Variants in PXMP4 observed in about 807,000 individuals in gnomAD.
PXMP4 encodes the protein peroxisomal membrane protein 4, also known as 24 kDa peroxisomal intrinsic membrane protein.
A neutral mutation model predicts 21.6 loss-of-function variants in PXMP4; 16 were observed. The observed-to-expected ratio is 0.74, with a 90% CI of 0.50 to 1.13. PXMP4 has a LOEUF of 1.13. PXMP4 is among the 50% of genes most tolerant of loss of function. PXMP4 has a pLI of 0.00. For synonymous variants in PXMP4, 127 were observed against 123.8 expected, an observed-to-expected ratio of 1.03 and a Z score of -0.17; for missense variants, 240 against 277.7, an observed-to-expected ratio of 0.86 and a Z score of 0.96.
chr20:33,715,866 C>T (rs1197316470), intron 1 of PXMP4, among the ~76,000 whole-genome samples: 1 of 127,198 alleles, frequency 7.9e-6, no homozygotes, highest in Non-Finnish European at 1.6e-5. Context: ...TTTTTTGAGA[C>T]GAAGTTTTGT....
chr20:33,719,435 C>G (rs1047864754), intron 1 of PXMP4, among the ~76,000 whole-genome samples: 2 of 152,170 alleles, frequency 1.3e-5, no homozygotes, highest in African/African-American at 4.8e-5. Flanking sequence ...GCTTTGTCCC[C>G]GGTTCTGGCA....
intron 2 of PXMP4, among the ~76,000 whole-genome samples, chr20:33,714,363 A>G (rs534312976): frequency 6.6e-6 from 1 of 152,266 alleles, no homozygotes; most frequent in Admixed American, 6.5e-5. Context: ...TACTAAAAAT[A>G]CAAAAATTAG....
intron 3 of PXMP4, 24 bp downstream of exon 3, chr20:33,710,531 C>A (rs375109932): frequency 6.7e-7 from 1 of 1,495,168 alleles, no homozygotes. Context: ...CCCTTCACTA[C>A]CCCCATCTCG....
chr20:33,710,872 C>T lies in PXMP4; in HGVS notation c.177-119G>A, dbSNP rs1054989646. 5.1e-6 allele frequency: 5 copies of T among 977,394 alleles called. No individual in the cohort carries two copies. The South Asian group carries it at 7.0e-5, about 14-fold the overall frequency. The allele number at this position is 977,394 out of a possible 1,614,324, so 60.5% of individuals were successfully genotyped here. On this transcript the variant is annotated intron_variant, in intron 2 of 3. Coordinates refer to ENST00000409299, the MANE Select transcript of PXMP4 (RefSeq NM_007238.5). ...CTCGGAGTAATGCTCATTCAGTCAC[C>T]GGCCTCTACCCTTCATGTTCTCTCC...
At chr20:33,715,236 G>A (rs2018371128) in intron 1 of PXMP4, among the ~76,000 whole-genome samples, 1 of 152,172 alleles carries the variant, frequency 6.6e-6, no homozygotes, top group Non-Finnish European at 1.5e-5. Flanking sequence ...GGCCTCCCGG[G>A]TTCAAGCAAT....
chr20:33,709,856 C>A (rs1386706019), intron 3 of PXMP4, among the ~76,000 whole-genome samples: 2 of 135,588 alleles, frequency 1.5e-5, no homozygotes, highest in South Asian at 2.5e-4. Flanking sequence ...CCCACCCCCA[C>A]CTCTACACGG....
rs773378277 is a variant in PXMP4, at chr20:33,707,880, C to T, written c.465G>A (p.Pro155=). The T allele has an allele frequency of 6.2e-6, 10 of 1,614,144 alleles. No homozygotes were observed. The highest frequency in any genetic ancestry group is 4.0e-5 in the African/African-American group (3 of 75,042). The change falls in exon 4 of 4, where the codon CCG becomes CCA. Residue 155 remains proline, a synonymous_variant. Coordinates refer to ENST00000409299, the MANE Select transcript of PXMP4 (RefSeq NM_007238.5). ...KGYIPEPRWD[P]FPLLTAVVWG... is the part of the protein sequence containing the mutation. ...ACACCACCGCAGTGAGCAGCGGGAA[C>T]GGGTCCCACCTGGGTTCAGGGATGT... is the stretch of plus-strand genomic sequence containing the variant.
Position 33,706,817 on chromosome 20 carries a change from C to T in PXMP4, c.*889G>A, listed in dbSNP as rs1018577271. 5 of 152,070 alleles carry T rather than the reference C, an allele frequency of 3.3e-5. No individual in the cohort carries two copies. The highest frequency in any genetic ancestry group is 2.9e-5 in the Non-Finnish European group (2 of 68,016). 9.4% of individuals were successfully genotyped at this position (152,070 alleles called of 1,614,324 possible). On this transcript the variant is annotated 3_prime_UTR_variant, in exon 4 of 4. Coordinates refer to ENST00000409299, the MANE Select transcript of PXMP4 (RefSeq NM_007238.5). Reference sequence around the variant, plus strand: ...TGAATACTTAATACAAAAAAGAGTACAAAATATCTAATGATGTTAATTATA... The same window carrying T: ...TGAATACTTAATACAAAAAAGAGTATAAAATATCTAATGATGTTAATTATA...
At chr20:33,710,847 C>G in intron 2 of PXMP4, 94 bp from the exon 3 acceptor site, 1 of 1,257,906 alleles carries the variant, frequency 7.9e-7, no homozygotes, top group Non-Finnish European at 1.1e-6. Flanking sequence ...AGCCAAGGAG[C>G]TCGGAGTAAT....
intron 2 of PXMP4, among the ~76,000 whole-genome samples, chr20:33,712,054 A>C (rs1340953998): frequency 6.6e-6 from 1 of 151,850 alleles, no homozygotes; most frequent in Non-Finnish European, 1.5e-5. Context: ...ACTCCTCCCA[A>C]TTCAGGAATG....
chr20:33,714,814 G>T, intron 1 of PXMP4, 78 bp from the exon 2 acceptor site: 1 of 1,406,408 alleles, frequency 7.1e-7, no homozygotes, highest in Non-Finnish European at 1.0e-6. Context: ...TTGACCCCTT[G>T]TTCTCTCCCC....
At chr20:33,708,790 A>G (rs1004620416) in intron 3 of PXMP4, among the ~76,000 whole-genome samples, 1 of 151,816 alleles carries the variant, frequency 6.6e-6, no homozygotes, top group Non-Finnish European at 1.5e-5. Flanking sequence ...TCCCTGGTTC[A>G]AGCGATTCTC....
chr20:33,704,521 C>G lies in PXMP4; in HGVS notation c.*3185G>C, dbSNP rs1410977062. ...ATGGACCGGTACCGGGGTTGCGGAC[C>G]CCTTACTCTAGAGCTCATTCAACCT... On this transcript the variant is annotated 3_prime_UTR_variant, in exon 4 of 4. Coordinates refer to ENST00000409299, the MANE Select transcript of PXMP4 (RefSeq NM_007238.5). 1 of 152,198 alleles carries G rather than the reference C, an allele frequency of 6.6e-6. No individual in the cohort carries two copies. The highest frequency in any genetic ancestry group is 1.5e-5 in the Non-Finnish European group (1 of 68,036). 9.4% of individuals were successfully genotyped at this position (152,198 alleles called of 1,614,324 possible).
At chr20:33,709,528 A>C (rs2018299144) in intron 3 of PXMP4, among the ~76,000 whole-genome samples, 1 of 152,088 alleles carries the variant, frequency 6.6e-6, no homozygotes, top group Admixed American at 6.5e-5. Flanking sequence ...AGAGCAGCAC[A>C]TGCATTGATT....
At position 33,702,971 on chromosome 20, in the gene PXMP4, T is replaced by G. The variant is rs1213040480; in HGVS notation, c.*4735A>C. 6.6e-6 allele frequency: 1 copy of G among 152,188 alleles called. No individual in the cohort carries two copies. Among genetic ancestry groups the G allele is most frequent in the Admixed American group, 6.5e-5 (1 of 15,284 alleles). The allele number at this position is 152,188 out of a possible 1,614,324, so 9.4% of individuals were successfully genotyped here. On this transcript the variant is annotated 3_prime_UTR_variant, in exon 4 of 4. Coordinates refer to ENST00000409299, the MANE Select transcript of PXMP4 (RefSeq NM_007238.5). ...CTAGGAAGGAGCCAAATGGGACTCC[T>G]CTCAGATCTGCTGGAAGGCAGAGCC...
chr20:33,710,749 G>C lies in PXMP4; in HGVS notation c.181C>G (p.Gln61Glu). Residue 61 changes from glutamine to glutamate, a missense_variant, in exon 3 of 4, where the codon CAG becomes GAG. Gln to Glu is a conservative substitution (Grantham distance 29). Transcript: ENST00000409299. ...MTFLFRNGSL[Q>E]EKLWAILQAT... ...TGCAGTATGGCCCACAGCTTCTCCT[G>C]GAGGCTGCACAAACACAGGTGCCCC... is the stretch of plus-strand genomic sequence containing the variant. 6.2e-7 allele frequency: 1 copy of C among 1,600,912 alleles called. No homozygotes were observed. Among genetic ancestry groups the C allele is most frequent in the Non-Finnish European group, 8.5e-7 (1 of 1,171,954 alleles).
intron 3 of PXMP4, among the ~76,000 whole-genome samples, chr20:33,709,993 T>C (rs2018305413): frequency 9.3e-6 from 1 of 107,560 alleles, no homozygotes; most frequent in Non-Finnish European, 1.9e-5. Flanking sequence ...CTTCTGCCAC[T>C]CAAAACTCTA....
intron 1 of PXMP4, among the ~76,000 whole-genome samples, chr20:33,718,787 A>T (rs1353657743): frequency 1.3e-5 from 2 of 152,240 alleles, no homozygotes; most frequent in Non-Finnish European, 2.9e-5. Context: ...GGCAATTCTG[A>T]TCTTGCACAC....
intron 1 of PXMP4, 125 bp from the exon 2 acceptor site, chr20:33,714,861 TC>T: frequency 1.1e-6 from 1 of 906,998 alleles, no homozygotes; most frequent in East Asian, 2.5e-5. Context: ...GGAGGGGAAA[TC>T]ATGCTGGATG....
Sources: allele counts gnomAD v4.1 joint callset (sites outside exome capture counted in the v4.1 genomes callset), GRCh38; gene constraint gnomAD v4.1.1; transcripts MANE v1.5; gene names NCBI Gene and HGNC (gene_info 2026-07-23, HGNC 2026-07-21).